The following GPC6 variants were observed in gnomAD, a reference collection of about 807,000 sequenced individuals.
GPC6 encodes the protein glypican-6.
Under a neutral mutation model 55.2 loss-of-function variants are expected in GPC6, and 14 were observed. The ratio of observed to expected loss-of-function variants is 0.25; its 90% CI spans 0.17 to 0.40. The LOEUF is 0.40. GPC6 is among the 10% of genes least tolerant of loss of function. The probability of loss-of-function intolerance (pLI) is 1.00; values close to 1 mark genes in which losing one functional copy is unlikely to be tolerated. For missense variants in GPC6, 641 were observed against 708.5 expected, an observed-to-expected ratio of 0.90 and a Z score of 1.08; for synonymous variants, 278 against 259.6, an observed-to-expected ratio of 1.07 and a Z score of -0.68.
At chr13:93,368,668 T>G (rs537557949) in intron 1 of GPC6, among the ~76,000 whole-genome samples, 17 of 152,048 alleles carry the variant, frequency 1.1e-4, no homozygotes, top group Non-Finnish European at 2.2e-4. Context: ...ACAAGCAGGT[T>G]ACTGGTAGTA....
At chr13:94,115,857 T>G (rs967133489) in intron 4 of GPC6, among the ~76,000 whole-genome samples, 8 of 152,106 alleles carry the variant, frequency 5.3e-5, no homozygotes, top group Non-Finnish European at 1.0e-4. Context: ...AAGAATATTT[T>G]TTCAGTTTAC....
chr13:93,788,363 G>A (rs2138917653), intron 2 of GPC6, among the ~76,000 whole-genome samples: 1 of 152,176 alleles, frequency 6.6e-6, no homozygotes, highest in African/African-American at 2.4e-5. Flanking sequence ...GAGACCTCAT[G>A]GCCTAATCAC....
Position 93,872,795 on chromosome 13 carries a change from T to C in GPC6, c.711+42250T>C, listed in dbSNP as rs146581571. Among the ~76,000 whole-genome samples the C allele has an allele frequency of 8.1e-4, 123 of 152,154 alleles. 1 individual carries two copies. The highest frequency in any genetic ancestry group is 2.9e-3 in the African/African-American group (121 of 41,576). On this transcript the variant is annotated intron_variant, in intron 3 of 8. Coordinates refer to ENST00000377047, the MANE Select transcript of GPC6 (RefSeq NM_005708.5). The stretch of plus-strand genomic sequence containing the variant: ...CCCATGACTAAGAAATATGGGGGTC[T>C]GTTATTCTGCCTACCGCAGCAGCCA...
At chr13:94,069,751 C>T (rs1884660012) in intron 4 of GPC6, among the ~76,000 whole-genome samples, 1 of 152,192 alleles carries the variant, frequency 6.6e-6, no homozygotes, top group African/African-American at 2.4e-5. Context: ...CAAAAGTCAC[C>T]TTTGCTCTAG....
At chr13:94,250,395 T>C (rs1306654856) in intron 4 of GPC6, among the ~76,000 whole-genome samples, 4 of 152,130 alleles carry the variant, frequency 2.6e-5, no homozygotes, top group Non-Finnish European at 5.9e-5. Flanking sequence ...TTTCACACCA[T>C]GTGGAAATAT....
chr13:93,641,862 T>C (rs1166929691), intron 2 of GPC6, among the ~76,000 whole-genome samples: 1 of 152,132 alleles, frequency 6.6e-6, no homozygotes, highest in East Asian at 1.9e-4. Context: ...ATACTTTTTT[T>C]CAGAAATAAA....
chr13:93,521,248 G>C (rs928863496), intron 1 of GPC6, among the ~76,000 whole-genome samples: 1 of 151,862 alleles, frequency 6.6e-6, no homozygotes, highest in African/African-American at 2.4e-5. Flanking sequence ...TTCTTTCTAA[G>C]AGAGATACAG....
At chr13:93,306,485 TAAA>T (rs59971455) in intron 1 of GPC6, among the ~76,000 whole-genome samples, 1 of 150,316 alleles carries the variant, frequency 6.7e-6, no homozygotes, top group Non-Finnish European at 1.5e-5. Flanking sequence ...TCTATTTTCC[TAAA>T]AAAAAAGATT....
At chr13:93,942,094 A>T (rs938155988) in intron 3 of GPC6, among the ~76,000 whole-genome samples, 17 of 152,096 alleles carry the variant, frequency 1.1e-4, no homozygotes, top group African/African-American at 4.1e-4. Flanking sequence ...CATAAGAAAA[A>T]TTTTATCTAA....
chr13:93,438,005 A>G (rs1211364956), intron 1 of GPC6, among the ~76,000 whole-genome samples: 1 of 152,204 alleles, frequency 6.6e-6, no homozygotes, highest in Non-Finnish European at 1.5e-5. Flanking sequence ...AAGAATTATG[A>G]TAAATCCACT....
At chr13:93,337,907 C>G (rs1880104195) in intron 1 of GPC6, among the ~76,000 whole-genome samples, 2 of 152,124 alleles carry the variant, frequency 1.3e-5, no homozygotes, top group Admixed American at 1.3e-4. Context: ...TTTCATCTCC[C>G]CACACACTAT....
chr13:93,426,402 A>C (rs941277781), intron 1 of GPC6, among the ~76,000 whole-genome samples: 1 of 112,364 alleles, frequency 8.9e-6, no homozygotes, highest in South Asian at 3.1e-4. Context: ...CCACCCCACA[A>C]CAGTCCCCAG....
chr13:94,052,917 A>G (rs1884002995), intron 4 of GPC6, among the ~76,000 whole-genome samples: 1 of 151,704 alleles, frequency 6.6e-6, no homozygotes, highest in Non-Finnish European at 1.5e-5. Context: ...CACCCTCACC[A>G]CCTTGGGGCC....
chr13:93,836,873 G>A (rs926385325), intron 3 of GPC6, among the ~76,000 whole-genome samples: 1 of 152,084 alleles, frequency 6.6e-6, no homozygotes, highest in African/African-American at 2.4e-5. Context: ...AATTACAAGA[G>A]TATAAGAAAG....
intron 2 of GPC6, among the ~76,000 whole-genome samples, chr13:93,625,503 G>A (rs946665181): frequency 3.9e-5 from 6 of 152,104 alleles, no homozygotes; most frequent in African/African-American, 1.4e-4. Flanking sequence ...TTGTGTTGTG[G>A]CCTTTGTGTT....
chr13:94,140,812 T>C (rs924614984), intron 4 of GPC6, among the ~76,000 whole-genome samples: 9 of 152,100 alleles, frequency 5.9e-5, no homozygotes, highest in African/African-American at 2.2e-4. Context: ...GATTTTGCTT[T>C]CATAAATCAG....
intron 2 of GPC6, among the ~76,000 whole-genome samples, chr13:93,760,479 C>T (rs1043927890): frequency 5.3e-5 from 8 of 152,120 alleles, no homozygotes; most frequent in African/African-American, 1.9e-4. Flanking sequence ...CTGGCTTGGT[C>T]CTCAGGCAAC....
intron 6 of GPC6, among the ~76,000 whole-genome samples, chr13:94,332,769 G>A (rs1419555379): frequency 2.0e-5 from 3 of 152,182 alleles, no homozygotes; most frequent in African/African-American, 7.2e-5. Flanking sequence ...CAGTTTGGTG[G>A]TTTTCACTGA....
intron 1 of GPC6, among the ~76,000 whole-genome samples, chr13:93,473,187 G>T (rs773264710): frequency 2.0e-5 from 3 of 152,162 alleles, no homozygotes; most frequent in Non-Finnish European, 4.4e-5. Flanking sequence ...GCCCCCTTTT[G>T]TCCAGGAGCC....
Sources: gnomAD v4.1 joint callset for allele counts (sites outside exome capture counted in the v4.1 genomes callset) on GRCh38, gnomAD v4.1.1 for gene constraint, MANE v1.5 for transcripts, NCBI Gene and HGNC (gene_info 2026-07-23, HGNC 2026-07-21) for gene names.